The following TDG variants were observed in gnomAD, a reference collection of about 807,000 sequenced individuals.
TDG encodes G/T mismatch-specific thymine DNA glycosylase.
In TDG, 23 loss-of-function variants were observed where a neutral mutation model predicts 46.1. The observed-to-expected ratio is 0.50, with a 90% CI of 0.36 to 0.71. The LOEUF (loss-of-function observed/expected upper bound fraction) is 0.71, where lower values mean the gene tolerates loss of function less well. TDG is among the 30% of genes least tolerant of loss of function. TDG has a pLI of 0.00. For missense variants in TDG, 304 were observed against 486.7 expected (o/e 0.62, Z 3.53); for synonymous variants, 115 against 161.3 (o/e 0.71, Z 2.18).
In TDG at chr12:103,980,890, T is replaced by C. The variant is rs1463722456; in HGVS notation, c.409-3T>C. ...TGAAATGTCTAATTGTTTTGTTTTA[T>C]AGATTGGCATAAACCCGGGACTAAT... On this transcript the variant is annotated splice_polypyrimidine_tract_variant and splice_region_variant and intron_variant, in intron 3 of 9. Transcript: ENST00000392872. 1.9e-6 allele frequency: 3 copies of C among 1,613,016 alleles called. No individual in the cohort carries two copies. Among genetic ancestry groups the C allele is most frequent in the Admixed American group, 1.7e-5 (1 of 59,822 alleles).
chr12:103,987,149 A>G lies in TDG; in HGVS notation c.*59A>G. ...AGTTTTAATGCAGTTGTCAACAAGT[A>G]GAACCTCAGTTTGCTAACTGAAGTG... On this transcript the variant is annotated 3_prime_UTR_variant, in exon 10 of 10. Coordinates refer to ENST00000392872, the MANE Select transcript of TDG (RefSeq NM_003211.6). The G allele has an allele frequency of 6.3e-7, 1 of 1,594,310 alleles. No homozygotes were observed. Among genetic ancestry groups the G allele is most frequent in the Non-Finnish European group, 8.6e-7 (1 of 1,166,120 alleles).
rs1478004175 is a variant in TDG at position 103,981,827 on chromosome 12, T to A, written c.478+865T>A. 2.6e-5 allele frequency among the ~76,000 whole-genome samples: 4 copies of A among 152,210 alleles called. No homozygotes were observed. The East Asian group carries it at 7.7e-4, about 29-fold the overall frequency. On this transcript the variant is annotated intron_variant, in intron 4 of 9. Transcript: ENST00000392872. ...GAGTTTGAGACTAGCCTGTACAACA[T>A]ACCAAGATCTCATTTCTACAAAAAA...
intron 1 of TDG, among the ~76,000 whole-genome samples, chr12:103,971,119 G>T (rs1451883322): frequency 6.6e-6 from 1 of 152,138 alleles, no homozygotes; most frequent in East Asian, 1.9e-4. Flanking sequence ...CAAGCGACTT[G>T]AGCATCCTTA....
chr12:103,985,028 T>C lies in TDG; in HGVS notation c.964+108T>C, dbSNP rs186008155. 3.7e-4 allele frequency: 325 copies of C among 873,414 alleles called. No individual in the cohort carries two copies. The African/African-American group carries it at 5.5e-3, about 15-fold the overall frequency. 54.1% of individuals were successfully genotyped at this position (873,414 alleles called of 1,614,324 possible). A position where few individuals can be genotyped will look rare whatever the true frequency, so the allele number is the denominator to read the frequency against. On this transcript the variant is annotated intron_variant, in intron 8 of 9. Coordinates refer to ENST00000392872, the MANE Select transcript of TDG (RefSeq NM_003211.6). Reference sequence around the variant, plus strand: ...ATATATACATATACACATATACATATGTGTGCACATATATGCACACGTGTA... The same window carrying C: ...ATATATACATATACACATATACATACGTGTGCACATATATGCACACGTGTA...
At chr12:103,978,109 G>A (rs908176197) in intron 2 of TDG, among the ~76,000 whole-genome samples, 4 of 152,150 alleles carry the variant, frequency 2.6e-5, no homozygotes, top group Admixed American at 1.3e-4. Context: ...GAGTCAAGGA[G>A]TGGATTAGAT....
intron 1 of TDG, among the ~76,000 whole-genome samples, chr12:103,969,151 C>T (rs1203403527): frequency 2.0e-5 from 3 of 152,216 alleles, no homozygotes; most frequent in South Asian, 2.1e-4. Context: ...GGATGTTTTA[C>T]ATAGGCCAAC....
At chr12:103,974,697 G>C (rs556648722) in intron 1 of TDG, among the ~76,000 whole-genome samples, 1 of 152,094 alleles carries the variant, frequency 6.6e-6, no homozygotes, top group South Asian at 2.1e-4. Context: ...TTCGCTGGGC[G>C]CGGTGGCTCA....
At chr12:103,967,592 G>A (rs1871102102) in intron 1 of TDG, among the ~76,000 whole-genome samples, 1 of 151,772 alleles carries the variant, frequency 6.6e-6, no homozygotes, top group African/African-American at 2.4e-5. Context: ...AAGTAGCTGG[G>A]ATTACAGGCA....
intron 1 of TDG, 81 bp downstream of exon 1, chr12:103,966,141 G>C: frequency 7.1e-7 from 1 of 1,408,274 alleles, no homozygotes; most frequent in Non-Finnish European, 9.3e-7. Context: ...GCGCACGCAG[G>C]GGTCTTTTAA....
intron 2 of TDG, among the ~76,000 whole-genome samples, chr12:103,977,320 G>T (rs1302224166): frequency 6.6e-6 from 1 of 152,212 alleles, no homozygotes; most frequent in East Asian, 1.9e-4. Flanking sequence ...GTGAAGAGGG[G>T]CATAGAATGA....
At chr12:103,981,385 A>G (rs1283153517) in intron 4 of TDG, among the ~76,000 whole-genome samples, 2 of 151,518 alleles carry the variant, frequency 1.3e-5, no homozygotes, top group African/African-American at 4.9e-5. Flanking sequence ...ACAGGCATGT[A>G]CCACCACGCC....
At chr12:103,985,153 A>G (rs1241668751) in intron 8 of TDG, among the ~76,000 whole-genome samples, 1 of 126,698 alleles carries the variant, frequency 7.9e-6, no homozygotes, top group African/African-American at 3.1e-5. Context: ...GTGTGTGTCT[A>G]TATATAGACA....
At chr12:103,976,832 G>A in intron 1 of TDG, 86 bp from the exon 2 acceptor site, 1 of 1,509,072 alleles carries the variant, frequency 6.6e-7, no homozygotes, top group East Asian at 2.3e-5. Context: ...ACTTAATACT[G>A]TACTGAAGAT....
chr12:103,967,103 A>G (rs1007896325), intron 1 of TDG, among the ~76,000 whole-genome samples: 1 of 152,262 alleles, frequency 6.6e-6, no homozygotes, highest in African/African-American at 2.4e-5. Context: ...AGAATTCACC[A>G]GAATTTGTGG....
At chr12:103,973,738 T>C (rs1871382436) in intron 1 of TDG, among the ~76,000 whole-genome samples, 1 of 152,228 alleles carries the variant, frequency 6.6e-6, no homozygotes, top group Admixed American at 6.5e-5. Flanking sequence ...TCTTAACTTC[T>C]AGTCCCTGTC....
In TDG at chr12:103,983,409, T is replaced by C; in HGVS notation, c.792+20T>C. ...GAAACTGTAAGTCCCTAAAATTGAATTTGTAAATCAGCTAAATGTGAATTT... is the reference window on the plus strand; with the variant it reads ...GAAACTGTAAGTCCCTAAAATTGAACTTGTAAATCAGCTAAATGTGAATTT... On this transcript the variant is annotated intron_variant, in intron 7 of 9. Transcript: ENST00000392872. 1 of 1,522,444 alleles carries C rather than the reference T, an allele frequency of 6.6e-7. No individual in the cohort carries two copies. The highest frequency in any genetic ancestry group is 8.8e-7 in the Non-Finnish European group (1 of 1,132,590). The allele number at this position is 1,522,444 out of a possible 1,614,324, so 94.3% of individuals were successfully genotyped here.
intron 9 of TDG, chr12:103,986,647 A>C (rs1204907113): frequency 4.3e-6 from 1 of 233,764 alleles, no homozygotes; most frequent in Non-Finnish European, 8.7e-6. Flanking sequence ...CGGGAGGCAG[A>C]GGCTGTAGTG....
intron 4 of TDG, among the ~76,000 whole-genome samples, chr12:103,981,514 C>T (rs547997812): frequency 7.8e-4 from 118 of 151,976 alleles, no homozygotes; most frequent in African/African-American, 2.6e-3. Context: ...GGATTACAGG[C>T]GTGAGCTACA....
Position 103,982,757 on chromosome 12 carries a change from C to A in TDG, c.479-42C>A, listed in dbSNP as rs781741445. On this transcript the variant is annotated intron_variant, in intron 4 of 9. Transcript: ENST00000392872. Reference sequence around the variant, plus strand: ...TCTAGCCTGGGTGACAGAGCGAGACCCTGTCTAAAAAAAAATAAATAACTG... The same window carrying A: ...TCTAGCCTGGGTGACAGAGCGAGACACTGTCTAAAAAAAAATAAATAACTG... The A allele has an allele frequency of 2.5e-6, 4 of 1,599,542 alleles. No homozygotes were observed. The South Asian group carries it at 4.4e-5, about 18-fold the overall frequency.
Sources: gnomAD v4.1 joint callset for allele counts (sites outside exome capture counted in the v4.1 genomes callset) on GRCh38, gnomAD v4.1.1 for gene constraint, MANE v1.5 for transcripts, NCBI Gene and HGNC (gene_info 2026-07-23, HGNC 2026-07-21) for gene names.